The following XPR1 variants were observed in gnomAD, a reference collection of about 807,000 sequenced individuals.
XPR1 encodes solute carrier family 53 member 1.
Under a neutral mutation model 87.5 loss-of-function variants are expected in XPR1, and 28 were observed. The observed-to-expected ratio is 0.32, with a 90% CI of 0.24 to 0.44. The LOEUF (loss-of-function observed/expected upper bound fraction) is 0.44, where lower values mean the gene tolerates loss of function less well. Ranked by LOEUF, XPR1 falls within the 20% of genes least tolerant of loss-of-function variation. The pLI is 1.00. For missense variants in XPR1, 559 were observed against 862.3 expected (o/e 0.65, Z 4.41); for synonymous variants, 300 against 306.1 (o/e 0.98, Z 0.21).
At chr1:180,836,742 A>AT (rs1181854642) in intron 11 of XPR1, 26 bp downstream of exon 11, 2 of 1,608,770 alleles carry the variant, frequency 1.2e-6, no homozygotes, top group East Asian at 2.2e-5. Flanking sequence ...CTCTGAAGAG[A>AT]TTTTTTTAAA....
At chr1:180,757,869 T>TAAAAA (rs35162664) in intron 2 of XPR1, among the ~76,000 whole-genome samples, 2 of 40,060 alleles carry the variant, frequency 5.0e-5, no homozygotes, top group Non-Finnish European at 8.5e-5. Flanking sequence ...GTTGAAAATG[T>TAAAAA]AAAAAAAAAA....
intron 7 of XPR1, 41 bp downstream of exon 7, chr1:180,811,529 A>G: frequency 6.6e-7 from 1 of 1,512,594 alleles, no homozygotes; most frequent in South Asian, 1.2e-5. Context: ...TCTTACCAAT[A>G]TGCCTGTGTC....
intron 3 of XPR1, among the ~76,000 whole-genome samples, chr1:180,801,334 G>A (rs1469309213): frequency 6.6e-6 from 1 of 152,336 alleles, no homozygotes; most frequent in Middle Eastern, 3.4e-3. Flanking sequence ...AGGGGGATGT[G>A]ATTGGTGTTG....
intron 9 of XPR1, among the ~76,000 whole-genome samples, chr1:180,826,308 G>A (rs1209009154): frequency 2.0e-5 from 3 of 151,938 alleles, no homozygotes; most frequent in African/African-American, 4.8e-5. Context: ...CCCAGTATTC[G>A]GGAGGCTGAG....
intron 14 of XPR1, among the ~76,000 whole-genome samples, chr1:180,882,967 G>GTTTT (rs1156645233): frequency 1.3e-5 from 2 of 150,542 alleles, no homozygotes; most frequent in African/African-American, 5.0e-5. Context: ...TTGGGGGTTG[G>GTTTT]TTGTTTTTTT....
Position 180,755,976 on chromosome 1 carries a change from T to A in XPR1, c.122-31777T>A, listed in dbSNP as rs566399331. On this transcript the variant is annotated intron_variant, in intron 2 of 14. Transcript: ENST00000367590. ...AGGGTCAGAGTACCTCCTCACAAAG[T>A]GCTTATTAATTACAAGAGGAAAACA... 2.0e-5 allele frequency among the ~76,000 whole-genome samples: 3 copies of A among 152,290 alleles called. No individual in the cohort carries two copies. In the South Asian group the frequency reaches 6.2e-4, roughly 32 times the overall value.
chr1:180,696,200 G>GTA (rs1371214062), intron 2 of XPR1, among the ~76,000 whole-genome samples: 185 of 109,996 alleles, frequency 1.7e-3, no homozygotes, highest in Middle Eastern at 9.3e-3. Flanking sequence ...GTGTGTGTGT[G>GTA]TGTGTGTGTA....
chr1:180,815,448 G>T (rs1410769755), intron 7 of XPR1, among the ~76,000 whole-genome samples: 1 of 152,090 alleles, frequency 6.6e-6, no homozygotes. Context: ...CTTCCAGCGG[G>T]TGCTTAAAAG....
intron 1 of XPR1, among the ~76,000 whole-genome samples, chr1:180,646,737 G>C (rs1481316780): frequency 1.3e-5 from 2 of 152,140 alleles, no homozygotes; most frequent in African/African-American, 4.8e-5. Context: ...AACTGTGACC[G>C]AGACAAATGC....
In XPR1 at chr1:180,882,649, C is replaced by T. The variant is rs567309641; in HGVS notation, c.2031-1357C>T. ...GGGATTACAGGCAAGAGCCACCACA[C>T]TCAGCCACCTGATTTTATTGTTGGT... On this transcript the variant is annotated intron_variant, in intron 14 of 14. Coordinates refer to ENST00000367590, the MANE Select transcript of XPR1 (RefSeq NM_004736.4). 1.0e-3 allele frequency among the ~76,000 whole-genome samples: 157 copies of T among 152,290 alleles called. 1 individual carries two copies. Among genetic ancestry groups the T allele is most frequent in the African/African-American group, 3.5e-3 (145 of 41,560 alleles).
At chr1:180,814,159 C>A (rs1650321424) in intron 7 of XPR1, among the ~76,000 whole-genome samples, 1 of 152,124 alleles carries the variant, frequency 6.6e-6, no homozygotes, top group Admixed American at 6.5e-5. Context: ...GAAATGATAA[C>A]CTACATTGTA....
chr1:180,678,683 A>T (rs1656448591), intron 1 of XPR1, among the ~76,000 whole-genome samples: 1 of 152,212 alleles, frequency 6.6e-6, no homozygotes, highest in Non-Finnish European at 1.5e-5. Flanking sequence ...CAATTTAAAA[A>T]TTTTAATTTC....
At chr1:180,693,945 T>TA (rs945466964) in intron 2 of XPR1, among the ~76,000 whole-genome samples, 2 of 152,150 alleles carry the variant, frequency 1.3e-5, no homozygotes, top group Non-Finnish European at 2.9e-5. Context: ...ACCATATTCT[T>TA]AAAAAAATTT....
chr1:180,639,165 C>T (rs1557933778), intron 1 of XPR1, among the ~76,000 whole-genome samples: 1 of 151,902 alleles, frequency 6.6e-6, no homozygotes, highest in East Asian at 1.9e-4. Flanking sequence ...GGTGTGGTGG[C>T]GTGTGCCTGC....
At chr1:180,710,174 G>T (rs1385814950) in intron 2 of XPR1, among the ~76,000 whole-genome samples, 1 of 149,924 alleles carries the variant, frequency 6.7e-6, no homozygotes, top group African/African-American at 2.4e-5. Context: ...TTACAGGTGT[G>T]AGCCACCACA....
At chr1:180,695,812 C>T (rs546677855) in intron 2 of XPR1, among the ~76,000 whole-genome samples, 1 of 152,180 alleles carries the variant, frequency 6.6e-6, no homozygotes, top group South Asian at 2.1e-4. Flanking sequence ...AGTCCAGTAT[C>T]TTGCTATTTT....
chr1:180,734,364 A>T (rs1380715310), intron 2 of XPR1, among the ~76,000 whole-genome samples: 2 of 152,202 alleles, frequency 1.3e-5, no homozygotes, highest in Non-Finnish European at 2.9e-5. Flanking sequence ...AGCAAAAGAA[A>T]TGTAACCATT....
intron 11 of XPR1, among the ~76,000 whole-genome samples, chr1:180,850,523 T>C (rs1314280993): frequency 6.6e-6 from 1 of 152,178 alleles, no homozygotes; most frequent in Admixed American, 6.5e-5. Context: ...TGTACTCCAA[T>C]CTTATTTCCA....
At chr1:180,674,493 A>G (rs1031501082) in intron 1 of XPR1, among the ~76,000 whole-genome samples, 12 of 152,108 alleles carry the variant, frequency 7.9e-5, no homozygotes, top group Non-Finnish European at 1.6e-4. Context: ...TCCTGACCTC[A>G]GGTGACCCAC....
Sources: allele counts gnomAD v4.1 joint callset (sites outside exome capture counted in the v4.1 genomes callset), GRCh38; gene constraint gnomAD v4.1.1; transcripts MANE v1.5; gene names NCBI Gene and HGNC (gene_info 2026-07-23, HGNC 2026-07-21).